SPOCK3: variants seen among roughly 807,000 people sequenced by gnomAD.
SPOCK3 encodes the protein SPARC (osteonectin), cwcv and kazal like domains proteoglycan 3.
A neutral mutation model predicts 56.6 loss-of-function variants in SPOCK3; 30 were observed. That is an observed-to-expected ratio of 0.53 (90% CI 0.40 to 0.72). SPOCK3 has a LOEUF of 0.72. Ranked by LOEUF, SPOCK3 falls within the 30% of genes least tolerant of loss-of-function variation. The pLI is 0.00. For missense variants in SPOCK3, 527 were observed against 530.0 expected, an observed-to-expected ratio of 0.99 and a Z score of 0.06; for synonymous variants, 196 against 183.3, an observed-to-expected ratio of 1.07 and a Z score of -0.56.
Position 167,140,005 on chromosome 4 carries a change from C to T in SPOCK3, c.190-77468G>A, listed in dbSNP as rs534897652. The stretch of plus-strand genomic sequence containing the variant: ...ACTGTACCTGAATATGATACCTGAA[C>T]GAGTTTGCCAATATGACGTAGTCAA... On this transcript the variant is annotated intron_variant, in intron 2 of 10. Coordinates refer to ENST00000357545, the MANE Select transcript of SPOCK3 (RefSeq NM_001040159.2). Among the ~76,000 whole-genome samples, 31 of 151,788 alleles carry T rather than the reference C, an allele frequency of 2.0e-4. 1 individual carries two copies. The South Asian group carries it at 6.0e-3, about 30-fold the overall frequency.
intron 8 of SPOCK3, among the ~76,000 whole-genome samples, chr4:166,745,176 C>A (rs937114088): frequency 6.6e-6 from 1 of 152,122 alleles, no homozygotes; most frequent in East Asian, 1.9e-4. Context: ...AACCCCAAGA[C>A]ACATAATTTT....
At chr4:166,884,246 G>A (rs1056134355) in intron 6 of SPOCK3, among the ~76,000 whole-genome samples, 4 of 151,922 alleles carry the variant, frequency 2.6e-5, no homozygotes, top group East Asian at 1.9e-4. Context: ...CCAGCTACTC[G>A]GGAGGCTGAG....
At chr4:166,915,911 G>T (rs537579523) in intron 4 of SPOCK3, among the ~76,000 whole-genome samples, 7 of 152,214 alleles carry the variant, frequency 4.6e-5, no homozygotes, top group African/African-American at 1.7e-4. Flanking sequence ...CACTAATGAA[G>T]TAAAAAACCT....
chr4:166,823,801 T>C (rs1306344947), intron 6 of SPOCK3, among the ~76,000 whole-genome samples: 3 of 152,106 alleles, frequency 2.0e-5, no homozygotes, highest in Non-Finnish European at 2.9e-5. Context: ...GATTTCTTGA[T>C]GGCAGGCTGA....
rs549484168 is a variant in SPOCK3 at position 167,035,895 on chromosome 4, C to T, written c.235+26597G>A. Among the ~76,000 whole-genome samples the T allele has an allele frequency of 5.3e-5, 8 of 152,294 alleles. No homozygotes were observed. In the East Asian group the frequency reaches 1.3e-3, roughly 26 times the overall value. The stretch of plus-strand genomic sequence containing the variant: ...ATTTCTGCAACTCCATGTCATTCTG[C>T]ATTAGCAATTCTGTTCCAATGTATT... On this transcript the variant is annotated intron_variant, in intron 3 of 10. Transcript: ENST00000357545.
At chr4:166,820,451 C>T (rs1158623543) in intron 6 of SPOCK3, among the ~76,000 whole-genome samples, 1 of 151,862 alleles carries the variant, frequency 6.6e-6, no homozygotes, top group East Asian at 1.9e-4. Context: ...TAAATCCTTA[C>T]ATTTAGGGTC....
intron 7 of SPOCK3, among the ~76,000 whole-genome samples, chr4:166,768,816 A>C (rs759629116): frequency 2.6e-5 from 4 of 152,142 alleles, no homozygotes; most frequent in African/African-American, 9.7e-5. Flanking sequence ...CATCACTTTC[A>C]GGTACACCAG....
intron 4 of SPOCK3, among the ~76,000 whole-genome samples, chr4:166,962,583 G>T (rs964344856): frequency 6.6e-6 from 1 of 152,060 alleles, no homozygotes; most frequent in African/African-American, 2.4e-5. Context: ...AGAGAAAGAA[G>T]AAAGTGCTAT....
At chr4:167,191,716 T>C (rs1246969322) in intron 2 of SPOCK3, among the ~76,000 whole-genome samples, 1 of 145,564 alleles carries the variant, frequency 6.9e-6, no homozygotes, top group Non-Finnish European at 1.5e-5. Flanking sequence ...TATAAGATTA[T>C]ATCATCTGCA....
chr4:167,201,356 T>C (rs958240097), intron 2 of SPOCK3, among the ~76,000 whole-genome samples: 2 of 151,958 alleles, frequency 1.3e-5, no homozygotes, highest in Non-Finnish European at 2.9e-5. Context: ...AAAGAAATAA[T>C]GTAGAATACA....
At chr4:167,084,856 A>G (rs1262559864) in intron 2 of SPOCK3, among the ~76,000 whole-genome samples, 3 of 152,148 alleles carry the variant, frequency 2.0e-5, no homozygotes, top group Non-Finnish European at 4.4e-5. Context: ...TATATTAAAA[A>G]TGAGAGCAAT....
At chr4:166,978,921 C>T (rs1016377360) in intron 4 of SPOCK3, among the ~76,000 whole-genome samples, 10 of 151,954 alleles carry the variant, frequency 6.6e-5, no homozygotes, top group East Asian at 3.9e-4. Flanking sequence ...GATATGAGTG[C>T]GGAAGAGGCT....
intron 8 of SPOCK3, among the ~76,000 whole-genome samples, chr4:166,744,456 T>A (rs1382498962): frequency 6.6e-6 from 1 of 151,842 alleles, no homozygotes; most frequent in Non-Finnish European, 1.5e-5. Context: ...AAAAAGGACA[T>A]CCACACCAAG....
At chr4:167,053,327 T>A (rs1754415314) in intron 3 of SPOCK3, among the ~76,000 whole-genome samples, 1 of 152,118 alleles carries the variant, frequency 6.6e-6, no homozygotes, top group Non-Finnish European at 1.5e-5. Flanking sequence ...GGCTAGATTA[T>A]CTGAGCTGCT....
intron 4 of SPOCK3, among the ~76,000 whole-genome samples, chr4:166,938,454 T>C (rs540077648): frequency 6.6e-6 from 1 of 152,272 alleles, no homozygotes; most frequent in South Asian, 2.1e-4. Context: ...TTTCAGATGC[T>C]GGTGATCAAT....
chr4:166,779,314 A>C (rs1017066370), intron 7 of SPOCK3, among the ~76,000 whole-genome samples: 2 of 152,168 alleles, frequency 1.3e-5, no homozygotes, highest in Non-Finnish European at 2.9e-5. Context: ...ATCAATTAAG[A>C]ATAAATTTGA....
In SPOCK3 at chr4:166,848,602, T is replaced by G. The variant is rs907852784; in HGVS notation, c.589+40528A>C. Among the ~76,000 whole-genome samples the G allele has an allele frequency of 1.8e-4, 28 of 152,302 alleles. 1 individual carries two copies. The highest frequency in any genetic ancestry group is 6.5e-4 in the African/African-American group (27 of 41,562). ...GTAAGTACTTGCCTTCAAAAACAGA[T>G]GAACAAAAGTGACCCAACATTTGAA... On this transcript the variant is annotated intron_variant, in intron 6 of 10. Coordinates refer to ENST00000357545, the MANE Select transcript of SPOCK3 (RefSeq NM_001040159.2).
chr4:166,809,901 C>T (rs1743589269), intron 6 of SPOCK3, among the ~76,000 whole-genome samples: 1 of 152,048 alleles, frequency 6.6e-6, no homozygotes, highest in African/African-American at 2.4e-5. Context: ...CATGTATGAG[C>T]ACAGACAAAA....
At chr4:167,205,301 T>A (rs1733997851) in intron 2 of SPOCK3, among the ~76,000 whole-genome samples, 6 of 44,304 alleles carry the variant, frequency 1.4e-4, no homozygotes, top group African/African-American at 3.2e-4. Context: ...ATATCTATAA[T>A]ATATATTATA....
Sources: allele counts gnomAD v4.1 joint callset (sites outside exome capture counted in the v4.1 genomes callset), GRCh38; gene constraint gnomAD v4.1.1; transcripts MANE v1.5; gene names NCBI Gene and HGNC (gene_info 2026-07-23, HGNC 2026-07-21).